Variants in XDH observed in about 807,000 individuals in gnomAD.
The protein encoded by XDH is xanthine dehydrogenase/oxidase.
In XDH, 138 loss-of-function variants were observed where a neutral mutation model predicts 156.1. The observed-to-expected ratio is 0.88, with a 90% CI of 0.77 to 1.02. The LOEUF is 1.02. Among genes scored for constraint, XDH ranks in the 50% least tolerant of loss-of-function variants. The pLI, the probability that XDH is intolerant of heterozygous loss-of-function variation, is 0.00. For synonymous variants in XDH, 669 were observed against 625.7 expected, an observed-to-expected ratio of 1.07 and a Z score of -1.03; for missense variants, 1,849 against 1,684.9, an observed-to-expected ratio of 1.10 and a Z score of -1.71.
At chr2:31,350,379 T>C (rs1416245760) in intron 24 of XDH, among the ~76,000 whole-genome samples, 156 bp from the exon 25 acceptor site, 1 of 134,466 alleles carries the variant, frequency 7.4e-6, no homozygotes, top group Middle Eastern at 3.6e-3. Flanking sequence ...TTTTTTTTTT[T>C]TTTTTTTTTT....
intron 16 of XDH, among the ~76,000 whole-genome samples, chr2:31,373,386 G>C (rs1016541458): frequency 3.9e-5 from 6 of 152,156 alleles, no homozygotes; most frequent in Non-Finnish European, 7.3e-5. Flanking sequence ...ATTCATTCCT[G>C]TTTTTCCTGT....
chr2:31,357,653 A>G (rs1194528773), intron 24 of XDH, among the ~76,000 whole-genome samples: 1 of 55,442 alleles, frequency 1.8e-5, no homozygotes, highest in Admixed American at 2.4e-4. Flanking sequence ...GGTGACTATA[A>G]TATTTTTAAA....
intron 6 of XDH, among the ~76,000 whole-genome samples, chr2:31,396,018 T>C (rs1235399514): frequency 6.6e-6 from 1 of 152,184 alleles, no homozygotes; most frequent in African/African-American, 2.4e-5. Flanking sequence ...TTCTAGTGTG[T>C]GCTGTGGACA....
rs183697920 is a variant in XDH, at chr2:31,393,442, C to A, written c.495+4226G>T. 2.0e-5 allele frequency among the ~76,000 whole-genome samples: 3 copies of A among 152,268 alleles called. No homozygotes were observed. The East Asian group carries it at 5.8e-4, about 29-fold the overall frequency. On this transcript the variant is annotated intron_variant, in intron 6 of 35. Transcript: ENST00000379416. Reference sequence around the variant, plus strand: ...AAAATTAATATGCTACTTCCACTTTCTTTCGATTAGTATATCATGGTCCAC... The same window carrying A: ...AAAATTAATATGCTACTTCCACTTTATTTCGATTAGTATATCATGGTCCAC...
At position 31,339,629 on chromosome 2, in the gene XDH, G is replaced by A. The variant is rs748857114; in HGVS notation, c.3634C>T (p.Leu1212=). ...AGGCTCCCCTCGGGGGAATAGTGTA[G>A]CTCCTCTAGGGTGAAGAGGCCAAGG... is the stretch of plus-strand genomic sequence containing the variant. ...QGLGLFTLEE[L]HYSPEGSLHT... The change falls in exon 34 of 36, where the codon CTA becomes TTA. Residue 1212 remains leucine (L), a synonymous_variant. Coordinates refer to ENST00000379416, the MANE Select transcript of XDH (RefSeq NM_000379.4). 1.2e-6 allele frequency: 2 copies of A among 1,614,170 alleles called. No individual in the cohort carries two copies. Among genetic ancestry groups the A allele is most frequent in the Non-Finnish European group, 1.7e-6 (2 of 1,180,022 alleles).
At chr2:31,341,227 G>C (rs1685115167) in intron 33 of XDH, 102 bp downstream of exon 33, 1 of 1,208,148 alleles carries the variant, frequency 8.3e-7, no homozygotes, top group South Asian at 1.3e-5. Context: ...CAGCCTGTTT[G>C]AAGACAACCT....
At chr2:31,414,339 A>G (rs1240770284) in intron 1 of XDH, among the ~76,000 whole-genome samples, 1 of 151,776 alleles carries the variant, frequency 6.6e-6, no homozygotes, top group East Asian at 2.0e-4. Flanking sequence ...TTCTGTGCCA[A>G]TCTCCACTAC....
rs936776208 is a variant in XDH at position 31,401,129 on chromosome 2, C to T, written c.306+91G>A. 17 of 1,441,756 alleles carry T rather than the reference C, an allele frequency of 1.2e-5. No homozygotes were observed. In the African/African-American group the frequency reaches 2.4e-4, roughly 20 times the overall value. The allele number at this position is 1,441,756 out of a possible 1,614,324, so 89.3% of individuals were successfully genotyped here. A position where few individuals can be genotyped will look rare whatever the true frequency, so the allele number is the denominator to read the frequency against. On this transcript the variant is annotated intron_variant, in intron 4 of 35. Coordinates refer to ENST00000379416, the MANE Select transcript of XDH (RefSeq NM_000379.4). ...GATTAAGCAGTGAAACTCTTCCCAA[C>T]AACCCAAAGCAAGTCTGCAACTTTG...
intron 6 of XDH, among the ~76,000 whole-genome samples, chr2:31,393,080 G>A (rs981795571): frequency 1.3e-5 from 2 of 152,206 alleles, no homozygotes; most frequent in African/African-American, 4.8e-5. Context: ...AATGCTCCAC[G>A]TGAGCTTGAG....
chr2:31,409,187 A>G (rs1293793280), intron 1 of XDH, among the ~76,000 whole-genome samples: 1 of 152,150 alleles, frequency 6.6e-6, no homozygotes, highest in Non-Finnish European at 1.5e-5. Context: ...TAATAGGTAC[A>G]AAAAAATAGA....
At chr2:31,379,808 C>T in intron 13 of XDH, 59 bp downstream of exon 13, 1 of 1,532,034 alleles carries the variant, frequency 6.5e-7, no homozygotes, top group South Asian at 1.1e-5. Context: ...ATCTCTTTGT[C>T]TAGAGCCTGG....
intron 35 of XDH, 37 bp downstream of exon 35, chr2:31,337,604 T>A (rs186964924): frequency 6.2e-7 from 1 of 1,612,982 alleles, no homozygotes; most frequent in East Asian, 2.2e-5. Flanking sequence ...ATCCCTGGCC[T>A]CCCCTGGACT....
At chr2:31,402,125 TCTTAA>T (rs1687074785) in intron 3 of XDH, among the ~76,000 whole-genome samples, 1 of 151,980 alleles carries the variant, frequency 6.6e-6, no homozygotes, top group Non-Finnish European at 1.5e-5. Context: ...TGCAGCAGAG[TCTTAA>T]CTTGAGCTAC....
intron 24 of XDH, 124 bp downstream of exon 24, chr2:31,364,033 TG>T: frequency 2.5e-6 from 2 of 808,810 alleles, no homozygotes; most frequent in South Asian, 1.4e-5. Context: ...AACCTGAAGG[TG>T]GGGACCCATT....
intron 10 of XDH, 55 bp downstream of exon 10, chr2:31,383,700 A>G: frequency 1.3e-6 from 2 of 1,553,504 alleles, no homozygotes; most frequent in East Asian, 2.3e-5. Flanking sequence ...CCCACCTTGT[A>G]ACCTATCCCC....
chr2:31,364,573 G>C (rs1347325320), intron 23 of XDH, among the ~76,000 whole-genome samples: 3 of 152,102 alleles, frequency 2.0e-5, no homozygotes, highest in Admixed American at 1.3e-4. Context: ...CGATAGGGCG[G>C]GGGGGAAGCG....
At chr2:31,360,058 C>T (rs935062643) in intron 24 of XDH, among the ~76,000 whole-genome samples, 3 of 152,346 alleles carry the variant, frequency 2.0e-5, no homozygotes, top group African/African-American at 7.2e-5. Flanking sequence ...TGGCTACCTG[C>T]TCCTGATCAC....
intron 18 of XDH, among the ~76,000 whole-genome samples, chr2:31,370,136 C>T (rs1686033469): frequency 6.6e-6 from 1 of 152,196 alleles, no homozygotes; most frequent in Non-Finnish European, 1.5e-5. Context: ...GCCACTTTGG[C>T]ATAGAGACAT....
In XDH at chr2:31,335,923, G is replaced by A. The variant is rs760830081; in HGVS notation, c.*35C>T. On this transcript the variant is annotated 3_prime_UTR_variant, in exon 36 of 36. Coordinates refer to ENST00000379416, the MANE Select transcript of XDH (RefSeq NM_000379.4). The stretch of plus-strand genomic sequence containing the variant: ...TCCTCCTGCTCCATGGAAGCCCAAA[G>A]GCAGCACAAGAAGACTCTGCTGAGG... 1.2e-6 allele frequency: 2 copies of A among 1,612,788 alleles called. No individual in the cohort carries two copies. The highest frequency in any genetic ancestry group is 1.7e-6 in the Non-Finnish European group (2 of 1,178,768).
Sources: gnomAD v4.1 joint callset for allele counts (sites outside exome capture counted in the v4.1 genomes callset) on GRCh38, gnomAD v4.1.1 for gene constraint, MANE v1.5 for transcripts, NCBI Gene and HGNC (gene_info 2026-07-23, HGNC 2026-07-21) for gene names.